ARL16: variants seen among roughly 807,000 people sequenced by gnomAD.
The protein encoded by ARL16 is ADP-ribosylation factor-like protein 16.
Under a neutral mutation model 14.1 loss-of-function variants are expected in ARL16, and 21 were observed. The observed-to-expected ratio is 1.48, with a 90% CI of 1.05 to 2.14. The LOEUF (loss-of-function observed/expected upper bound fraction) is 2.14, where lower values mean the gene tolerates loss of function less well. Ranked by LOEUF, ARL16 falls within the 30% of genes most tolerant of loss-of-function variation. The pLI is 0.00. For missense variants in ARL16, 248 were observed against 222.0 expected (o/e 1.12, Z -0.74); for synonymous variants, 122 against 91.8 (o/e 1.33, Z -1.88).
intron 4 of ARL16, 71 bp downstream of exon 4, chr17:81,681,961 AGC>A (rs1454233367): frequency 1.3e-6 from 2 of 1,563,756 alleles, no homozygotes; most frequent in African/African-American, 2.7e-5. Flanking sequence ...CTCCCTACCG[AGC>A]CATGCTTCCG....
At position 81,681,598 on chromosome 17, in the gene ARL16, G is replaced by GGGTT; in HGVS notation, c.*106_*109dup. On this transcript the variant is annotated 3_prime_UTR_variant, in exon 5 of 5. Coordinates refer to ENST00000622299, the MANE Select transcript of ARL16 (RefSeq NM_001040025.3). ...TCTCAGCACAGAGCCCCATCATGTAGGGTTACTTTGGGTTATTCTGCCCCT... is the reference window on the plus strand; with the variant it reads ...TCTCAGCACAGAGCCCCATCATGTAGGGTTGGTTACTTTGGGTTATTCTGCCCCT... 2 of 1,235,414 alleles carry GGGTT rather than the reference G, an allele frequency of 1.6e-6. No homozygotes were observed. 76.5% of individuals were successfully genotyped at this position (1,235,414 alleles called of 1,614,324 possible).
intron 2 of ARL16, 197 bp downstream of exon 2, chr17:81,683,339 A>G: frequency 2.3e-6 from 2 of 859,306 alleles, no homozygotes; most frequent in Non-Finnish European, 3.5e-6. Flanking sequence ...AGGGGAGAGG[A>G]AGTGCCCGTG....
At chr17:81,682,274 A>G (rs3205137) in intron 3 of ARL16, 125 bp from the exon 4 acceptor site, 157,228 of 696,810 alleles carry the variant, frequency 0.23, 18,995 homozygotes, top group African/African-American at 0.36. Flanking sequence ...TTTTGAGACG[A>G]AGTCTCGCTC....
At chr17:81,682,770 G>C in intron 3 of ARL16, 1 of 552,852 alleles carries the variant, frequency 1.8e-6, no homozygotes. Flanking sequence ...TGTTCTCTGC[G>C]GAGCAGCAGC....
chr17:81,681,897 C>A lies in ARL16; in HGVS notation c.351-18G>T, dbSNP rs1187878891. The A allele has an allele frequency of 6.2e-7, 1 of 1,607,638 alleles. No homozygotes were observed. Among genetic ancestry groups the A allele is most frequent in the African/African-American group, 1.3e-5 (1 of 74,932 alleles). On this transcript the variant is annotated intron_variant, in intron 4 of 4. Transcript: ENST00000622299. Reference sequence around the variant, plus strand: ...GTAGGTCGCTGGAGAGAAAGAGGTGCCCCATCAGAGCAGTGGCAGCCACAC... The same window carrying A: ...GTAGGTCGCTGGAGAGAAAGAGGTGACCCATCAGAGCAGTGGCAGCCACAC...
intron 2 of ARL16, 85 bp downstream of exon 2, chr17:81,683,451 C>T (rs1378213212): frequency 7.1e-7 from 1 of 1,417,274 alleles, no homozygotes; most frequent in Non-Finnish European, 9.3e-7. Context: ...CGCTGCGCCT[C>T]GGCGTGCACT....
chr17:81,682,021 C>A lies in ARL16; in HGVS notation c.350+13G>T. On this transcript the variant is annotated intron_variant, in intron 4 of 4. Coordinates refer to ENST00000622299, the MANE Select transcript of ARL16 (RefSeq NM_001040025.3). The stretch of plus-strand genomic sequence containing the variant: ...GCCCCCGCTGTGCTCCCTCTCAGCT[C>A]AGGGACGCGTACATTTTATTGAAGA... 1 of 1,598,850 alleles carries A rather than the reference C, an allele frequency of 6.3e-7. No homozygotes were observed. Among genetic ancestry groups the A allele is most frequent in the African/African-American group, 1.3e-5 (1 of 74,530 alleles).
rs1351585179 is a variant in ARL16 at position 81,681,774 on chromosome 17, G to T, written c.456C>A (p.Ala152=). The change falls in exon 5 of 5, where the codon GCC becomes GCA. Residue 152 remains alanine, a synonymous_variant. Transcript: ENST00000622299. ...CCCCTGCTAAGCCAGTGCCTTCACG[G>T]GCGCTGATTTCTGCCGTGGTGATGT... The part of the protein sequence containing the change: ...KQNITTAEIS[A]REGTGLAGVL... 6.2e-7 allele frequency: 1 copy of T among 1,611,296 alleles called. No homozygotes were observed. Among genetic ancestry groups the T allele is most frequent in the Non-Finnish European group, 8.5e-7 (1 of 1,179,066 alleles).
At chr17:81,683,264 A>C (rs1370618494) in intron 2 of ARL16, 138 bp from the exon 3 acceptor site, 3 of 892,400 alleles carry the variant, frequency 3.4e-6, no homozygotes, top group East Asian at 2.6e-5. Flanking sequence ...AACGGCGAGC[A>C]GGGACCGACG....
chr17:81,683,198 T>C (rs762742370), intron 2 of ARL16, 72 bp from the exon 3 acceptor site: 142 of 1,374,996 alleles, frequency 1.0e-4, no homozygotes, highest in Non-Finnish European at 1.3e-4. Context: ...AAGAGCACCG[T>C]GCCCACACCT....
intron 3 of ARL16, 62 bp downstream of exon 3, chr17:81,682,951 T>C (rs1290358449): frequency 7.0e-7 from 1 of 1,432,632 alleles, no homozygotes; most frequent in Admixed American, 1.7e-5. Context: ...GGTTGGGGAC[T>C]GGACGTCACA....
chr17:81,681,399 C>G lies in ARL16; in HGVS notation c.*309G>C, dbSNP rs1470759544. On this transcript the variant is annotated 3_prime_UTR_variant, in exon 5 of 5. Coordinates refer to ENST00000622299, the MANE Select transcript of ARL16 (RefSeq NM_001040025.3). ...TATTTTTAGTAGAGACAGGGTTTCT[C>G]CATGTTGGTCAGGCTAGTCTCGAAC... 1.3e-5 allele frequency: 3 copies of G among 225,780 alleles called. No individual in the cohort carries two copies. The highest frequency in any genetic ancestry group is 2.6e-5 in the Non-Finnish European group (3 of 113,708). 14.0% of individuals were successfully genotyped at this position (225,780 alleles called of 1,614,324 possible). A position where few individuals can be genotyped will look rare whatever the true frequency, so the allele number is the denominator to read the frequency against.
At chr17:81,683,168 T>C in intron 2 of ARL16, 42 bp from the exon 3 acceptor site, 1 of 1,549,200 alleles carries the variant, frequency 6.5e-7, no homozygotes, top group Non-Finnish European at 8.8e-7. Context: ...ATACAACCGC[T>C]GTCCCGTTGT....
At position 81,682,215 on chromosome 17, in the gene ARL16, ACCTGGCACTGGG is replaced by A. The variant is rs1029597681; in HGVS notation, c.235-78_235-67del. The stretch of plus-strand genomic sequence containing the variant: ...AAACTTCCTCCCCTGGGCCTCACAG[ACCTGGCACTGGG>A]AGAGCAAAACTGCATTTTTTAATTA... On this transcript the variant is annotated intron_variant, in intron 3 of 4. Coordinates refer to ENST00000622299, the MANE Select transcript of ARL16 (RefSeq NM_001040025.3). 3.2e-6 allele frequency: 4 copies of A among 1,234,224 alleles called. No individual in the cohort carries two copies. The African/African-American group carries it at 6.2e-5, about 19-fold the overall frequency. 76.5% of individuals were successfully genotyped at this position (1,234,224 alleles called of 1,614,324 possible).
At position 81,683,778 on chromosome 17, in the gene ARL16, C is replaced by G; in HGVS notation, c.-25G>C. ...TTCCGTGCTTCGCTCCACCCGGCAC[C>G]CGTAGCTCGGCGCCGCGGCTCAAGG... is the stretch of plus-strand genomic sequence containing the variant. On this transcript the variant is annotated 5_prime_UTR_variant, in exon 1 of 5. Coordinates refer to ENST00000622299, the MANE Select transcript of ARL16 (RefSeq NM_001040025.3). The G allele has an allele frequency of 1.2e-6, 2 of 1,606,530 alleles. No individual in the cohort carries two copies. The highest frequency in any genetic ancestry group is 1.7e-6 in the Non-Finnish European group (2 of 1,179,504).
intron 1 of ARL16, 39 bp from the exon 2 acceptor site, chr17:81,683,633 G>C (rs907035536): frequency 6.3e-7 from 1 of 1,592,770 alleles, no homozygotes. Flanking sequence ...TAAAGGGTGA[G>C]TCCCCGCCCC....
Position 81,683,698 on chromosome 17 carries a change from AGCCGTTTCACC to A in ARL16, c.45_55del (p.Val16AlafsTer28). The A allele has an allele frequency of 6.2e-7, 1 of 1,605,028 alleles. No individual in the cohort carries two copies. Among genetic ancestry groups the A allele is most frequent in the Admixed American group, 1.7e-5 (1 of 58,880 alleles). On this transcript the variant is annotated frameshift_variant, in exon 1 of 5. Transcript: ENST00000622299. LOFTEE classifies it high-confidence loss of function. ...GTCCCCGCGCGGAAGGATATCCTGC[AGCCGTTTCACC>A]AGCAGCGTCTTCCCGACGCCCGTGG...
chr17:81,683,323 G>A (rs1598740202), intron 2 of ARL16, 197 bp from the exon 3 acceptor site: 7 of 828,508 alleles, frequency 8.4e-6, no homozygotes, highest in Non-Finnish European at 1.3e-5. Context: ...ACAGGAAGCC[G>A]TTGCGAGGGG....
chr17:81,682,235 A>G, intron 3 of ARL16, 86 bp from the exon 4 acceptor site: 1 of 944,560 alleles, frequency 1.1e-6, no homozygotes, highest in East Asian at 2.9e-5. Context: ...GGGAGAGCAA[A>G]ACTGCATTTT....
Sources: gnomAD v4.1 joint callset for allele counts on GRCh38, gnomAD v4.1.1 for gene constraint, MANE v1.5 for transcripts, NCBI Gene and HGNC (gene_info 2026-07-23, HGNC 2026-07-21) for gene names.